Variants in SKAP2 observed in about 807,000 individuals in gnomAD.
The protein encoded by SKAP2 is src kinase-associated phosphoprotein 2.
In SKAP2, 28 loss-of-function variants were observed where a neutral mutation model predicts 54.9. That is an observed-to-expected ratio of 0.51 (90% CI 0.38 to 0.70). The LOEUF (loss-of-function observed/expected upper bound fraction) is 0.70, where lower values mean the gene tolerates loss of function less well. Among genes scored for constraint, SKAP2 ranks in the 30% least tolerant of loss-of-function variants. SKAP2 has a pLI of 0.00. For missense variants in SKAP2, 356 were observed against 424.1 expected, an observed-to-expected ratio of 0.84 and a Z score of 1.41; for synonymous variants, 137 against 134.3, an observed-to-expected ratio of 1.02 and a Z score of -0.14.
chr7:26,751,573 C>CAAAGTACCT (rs1782682342), intron 4 of SKAP2, among the ~76,000 whole-genome samples: 1 of 152,060 alleles, frequency 6.6e-6, no homozygotes, highest in Admixed American at 6.6e-5. Flanking sequence ...TTCTGTCATT[C>CAAAGTACCT]AAAGTACCTA....
At chr7:26,665,476 C>T, downstream of SKAP2, among the ~76,000 whole-genome samples, 1 of 152,138 alleles carries the variant, frequency 6.6e-6, no homozygotes, top group Non-Finnish European at 1.5e-5. Context: ...CTCTTTTCTT[C>T]TTAAATCTCA....
chr7:26,761,412 T>C (rs771624479), intron 4 of SKAP2, among the ~76,000 whole-genome samples: 2 of 152,242 alleles, frequency 1.3e-5, no homozygotes, highest in South Asian at 2.1e-4. Flanking sequence ...ATATAGTATG[T>C]TGCATATTTT....
At chr7:26,760,504 T>A (rs1782903075) in intron 4 of SKAP2, among the ~76,000 whole-genome samples, 1 of 152,178 alleles carries the variant, frequency 6.6e-6, no homozygotes, top group African/African-American at 2.4e-5. Flanking sequence ...TTTTTTCCCA[T>A]ACAAATACAC....
the SKAP2 span, among the ~76,000 whole-genome samples, chr7:26,661,109 T>C: frequency 1.3e-5 from 2 of 152,256 alleles, no homozygotes; most frequent in South Asian, 4.1e-4. Flanking sequence ...TTTGAAGGAA[T>C]ATGCTCAATT....
At chr7:26,839,826 G>T (rs1784784532) in intron 4 of SKAP2, among the ~76,000 whole-genome samples, 1 of 151,910 alleles carries the variant, frequency 6.6e-6, no homozygotes, top group South Asian at 2.1e-4. Context: ...TGTGCACACG[G>T]ACAGGTTTAT....
At chr7:26,692,696 C>A (rs1470507606) in intron 9 of SKAP2, among the ~76,000 whole-genome samples, 1 of 152,148 alleles carries the variant, frequency 6.6e-6, no homozygotes, top group Non-Finnish European at 1.5e-5. Context: ...AGTATCCTGT[C>A]TCTTTTCTTT....
intron 4 of SKAP2, among the ~76,000 whole-genome samples, chr7:26,838,158 C>A (rs1434845093): frequency 6.6e-6 from 1 of 152,134 alleles, no homozygotes; most frequent in Non-Finnish European, 1.5e-5. Flanking sequence ...ACTTCCAGGA[C>A]AATATCCCTC....
chr7:26,811,455 A>G (rs73067443), intron 4 of SKAP2, among the ~76,000 whole-genome samples: 32,216 of 152,082 alleles, frequency 0.21, 3,499 homozygotes, highest in Non-Finnish European at 0.24. Flanking sequence ...CCCTGTCCCT[A>G]CACCCTCTTT....
At chr7:26,821,791 T>C (rs944284357) in intron 4 of SKAP2, among the ~76,000 whole-genome samples, 2 of 152,280 alleles carry the variant, frequency 1.3e-5, no homozygotes, top group South Asian at 2.1e-4. Flanking sequence ...CCCCTGGCTA[T>C]TTACTCCCCT....
intron 3 of SKAP2, among the ~76,000 whole-genome samples, chr7:26,844,577 A>C (rs548459366): frequency 1.0e-3 from 152 of 152,298 alleles, no homozygotes; most frequent in African/African-American, 3.4e-3. Context: ...AATTTGAAAA[A>C]TTATGATGAG....
chr7:26,657,212 T>C, the SKAP2 span, among the ~76,000 whole-genome samples: 4 of 152,332 alleles, frequency 2.6e-5, no homozygotes, highest in African/African-American at 9.6e-5. Flanking sequence ...ATCAGCTATA[T>C]TATTTGCCTT....
chr7:26,736,290 T>C (rs947089348), intron 6 of SKAP2, among the ~76,000 whole-genome samples: 2 of 152,288 alleles, frequency 1.3e-5, no homozygotes, highest in Non-Finnish European at 1.5e-5. Context: ...AAAATCAAGA[T>C]GGTGATGAAA....
intron 4 of SKAP2, among the ~76,000 whole-genome samples, chr7:26,790,424 G>A (rs534345665): frequency 6.6e-6 from 1 of 152,262 alleles, no homozygotes; most frequent in South Asian, 2.1e-4. Flanking sequence ...TCTTACATGT[G>A]AATTTTACAA....
intron 11 of SKAP2, among the ~76,000 whole-genome samples, chr7:26,673,797 C>T (rs1178298179): frequency 1.3e-5 from 2 of 151,954 alleles, no homozygotes; most frequent in African/African-American, 4.8e-5. Flanking sequence ...AAATTTTAGT[C>T]CCCAATTAAT....
At chr7:26,717,574 C>T (rs941330583) in intron 9 of SKAP2, among the ~76,000 whole-genome samples, 6 of 133,364 alleles carry the variant, frequency 4.5e-5, no homozygotes, top group Non-Finnish European at 3.1e-5. Context: ...ACCTATAATC[C>T]CAGCACTTTG....
In SKAP2 at chr7:26,738,942, T is replaced by C. The variant is rs1027192450; in HGVS notation, c.386-64A>G. 3 of 955,130 alleles carry C rather than the reference T, an allele frequency of 3.1e-6. No homozygotes were observed. In the African/African-American group the frequency reaches 4.8e-5, roughly 15 times the overall value. 59.2% of individuals were successfully genotyped at this position (955,130 alleles called of 1,614,324 possible). A position where few individuals can be genotyped will look rare whatever the true frequency, so the allele number is the denominator to read the frequency against. On this transcript the variant is annotated intron_variant, in intron 5 of 12. Transcript: ENST00000345317. ...CTGTAAAAGAAAAAGTTAATTAATA[T>C]GATTTCTAAGATTCCTCTGAGCTCT...
chr7:26,663,859 C>A (rs559402805), downstream of SKAP2, among the ~76,000 whole-genome samples: 4 of 152,288 alleles, frequency 2.6e-5, no homozygotes, highest in Admixed American at 2.6e-4. Context: ...TTCATCTGGA[C>A]TGGAACGTCA....
intron 4 of SKAP2, among the ~76,000 whole-genome samples, chr7:26,831,800 A>C (rs913553391): frequency 3.9e-5 from 6 of 152,018 alleles, no homozygotes; most frequent in African/African-American, 1.4e-4. Context: ...TAGAGTGACT[A>C]AGGTATGTCC....
At chr7:26,762,126 C>T (rs1039361021) in intron 4 of SKAP2, among the ~76,000 whole-genome samples, 1 of 151,984 alleles carries the variant, frequency 6.6e-6, no homozygotes, top group East Asian at 1.9e-4. Context: ...TCAATTTATT[C>T]ATAGCTTTTT....
Sources: allele counts gnomAD v4.1 joint callset (sites outside exome capture counted in the v4.1 genomes callset), GRCh38; gene constraint gnomAD v4.1.1; transcripts MANE v1.5; gene names NCBI Gene and HGNC (gene_info 2026-07-23, HGNC 2026-07-21).